The following C1orf159 variants were observed in gnomAD, a reference collection of about 807,000 sequenced individuals.
The protein encoded by C1orf159 is chromosome 1 open reading frame 159.
Under a neutral mutation model 25.6 loss-of-function variants are expected in C1orf159, and 19 were observed. The ratio of observed to expected loss-of-function variants is 0.74; its 90% CI spans 0.52 to 1.09. The LOEUF (loss-of-function observed/expected upper bound fraction) is 1.09. Ranked by LOEUF, C1orf159 falls within the 50% of genes least tolerant of loss-of-function variation. C1orf159 has a pLI of 0.00. For synonymous variants in C1orf159, 139 were observed against 124.7 expected (o/e 1.12, Z -0.77); for missense variants, 274 against 290.6 (o/e 0.94, Z 0.42).
At chr1:1,096,570 G>A (rs1436293254) in intron 1 of C1orf159, among the ~76,000 whole-genome samples, 1 of 152,240 alleles carries the variant, frequency 6.6e-6, no homozygotes, top group Admixed American at 6.5e-5. Context: ...ATTTGCAGGA[G>A]TTTTCTTGGT....
intron 1 of C1orf159, among the ~76,000 whole-genome samples, chr1:1,107,515 G>A (rs917427143): frequency 2.6e-5 from 4 of 152,212 alleles, no homozygotes; most frequent in African/African-American, 9.6e-5. Context: ...TTAATCTAGT[G>A]GGGACTTGGA....
At chr1:1,103,799 C>G (rs1391590233) in intron 1 of C1orf159, among the ~76,000 whole-genome samples, 3 of 152,186 alleles carry the variant, frequency 2.0e-5, no homozygotes, top group Non-Finnish European at 4.4e-5. Flanking sequence ...GGCAGCGATC[C>G]TCTCACCCCG....
chr1:1,083,579 G>A (rs531633958), intron 9 of C1orf159: 2 of 307,556 alleles, frequency 6.5e-6, no homozygotes, highest in South Asian at 9.2e-5. Context: ...CCGGAGCCTC[G>A]GGAAGCGTGT....
intron 7 of C1orf159, chr1:1,085,206 G>A: frequency 2.6e-6 from 1 of 384,156 alleles, no homozygotes; most frequent in East Asian, 8.5e-5. Context: ...CAGAGACCTG[G>A]GAGGAGGCCC....
rs1459828287 is a variant in C1orf159, at chr1:1,087,085, GGCCCCCA to G, written c.310+47_310+53del. 1.0e-5 allele frequency: 16 copies of G among 1,547,756 alleles called. No homozygotes were observed. Among genetic ancestry groups the G allele is most frequent in the African/African-American group, 8.1e-5 (6 of 73,722 alleles). On this transcript the variant is annotated intron_variant, in intron 6 of 9. Transcript: ENST00000421241. The surrounding 1 kb of genome is among the most constrained non-coding windows in gnomAD (Gnocchi z 8.3). Reference sequence around the variant, plus strand: ...GGTGAGGGTCTGCACTGGCTCCGACGGCCCCCAGCCCCCAGGACACCGGCAGAGGTGG... The same window carrying G: ...GGTGAGGGTCTGCACTGGCTCCGACGGCCCCCAGGACACCGGCAGAGGTGG...
intron 1 of C1orf159, among the ~76,000 whole-genome samples, chr1:1,107,557 TATC>T (rs1402919958): frequency 6.6e-6 from 1 of 152,102 alleles, no homozygotes; most frequent in African/African-American, 2.4e-5. Flanking sequence ...GGACTGTAAA[TATC>T]ATTCTGTGTC....
chr1:1,085,754 T>A (rs991595326), intron 7 of C1orf159, 124 bp downstream of exon 7: 2 of 1,273,612 alleles, frequency 1.6e-6, no homozygotes, highest in Non-Finnish European at 2.1e-6. Context: ...GGACAGGCCC[T>A]GCTCCCTCCC....
rs1216503493 is a variant in C1orf159 at position 1,108,386 on chromosome 1, C to CA, written c.-136+7673_-136+7674insT. ...ACTGTTCACCACAGCCACCATGTCT[C>CA]GGCACCGTTCACCACAGCCACCATG... On this transcript the variant is annotated intron_variant, in intron 1 of 9. Coordinates refer to ENST00000421241, the MANE Select transcript of C1orf159 (RefSeq NM_017891.5). Among the ~76,000 whole-genome samples the CA allele has an allele frequency of 3.2e-5, 4 of 126,778 alleles. 1 individual carries two copies. Among genetic ancestry groups the CA allele is most frequent in the African/African-American group, 1.1e-4 (3 of 26,542 alleles). 83.2% of individuals were successfully genotyped at this position (126,778 alleles called of 152,430 possible).
intron 1 of C1orf159, among the ~76,000 whole-genome samples, chr1:1,095,309 G>A (rs1326343681): frequency 2.0e-5 from 3 of 152,170 alleles, no homozygotes; most frequent in South Asian, 2.1e-4. Context: ...TTTTCATCAC[G>A]GACATGCTGT....
chr1:1,083,025 C>A, intron 9 of C1orf159, 38 bp from the exon 10 acceptor site: 1 of 1,525,030 alleles, frequency 6.6e-7, no homozygotes. Flanking sequence ...CAGAGTGGGA[C>A]CTGGACAGCA....
intron 1 of C1orf159, among the ~76,000 whole-genome samples, chr1:1,102,171 T>C (rs1646111257): frequency 6.6e-6 from 1 of 151,518 alleles, no homozygotes; most frequent in Non-Finnish European, 1.5e-5. Flanking sequence ...AAACTAAACA[T>C]TTATGTCTTT....
At chr1:1,084,619 C>G in intron 7 of C1orf159, 113 bp from the exon 8 acceptor site, 2 of 1,361,780 alleles carry the variant, frequency 1.5e-6, no homozygotes, top group Non-Finnish European at 2.0e-6. Context: ...CAGCCCAGTG[C>G]GGCGTCCTCG....
intron 1 of C1orf159, 45 bp from the exon 2 acceptor site, chr1:1,092,148 A>C: frequency 2.7e-6 from 1 of 364,216 alleles, no homozygotes; most frequent in Non-Finnish European, 5.6e-6. Flanking sequence ...CGCGAGGGCA[A>C]CCCAGGTGGG....
chr1:1,113,778 C>A (rs1033542656), intron 1 of C1orf159, among the ~76,000 whole-genome samples: 3 of 152,200 alleles, frequency 2.0e-5, no homozygotes, highest in African/African-American at 7.2e-5. Context: ...GGGTCTTCCA[C>A]GCTGGAGGCT....
intron 1 of C1orf159, among the ~76,000 whole-genome samples, chr1:1,100,358 T>C (rs954348865): frequency 2.6e-5 from 4 of 152,198 alleles, no homozygotes; most frequent in African/African-American, 9.7e-5. Context: ...ACGCTGCCCT[T>C]TATTTTTCAG....
intron 3 of C1orf159, 43 bp from the exon 4 acceptor site, chr1:1,090,471 G>A: frequency 1.3e-6 from 2 of 1,542,742 alleles, no homozygotes; most frequent in Non-Finnish European, 8.8e-7. Context: ...GCGCCTGCCA[G>A]GCAGGCTCAC....
rs1557434452 is a variant in C1orf159 at position 1,106,380 on chromosome 1, T to A, written c.-136+9680A>T. ...ACAGAAATAAATGTTGGCAAACGCA[T>A]GTGGAGAGAATGGAACCCTTGTGCA... On this transcript the variant is annotated intron_variant, in intron 1 of 9. Coordinates refer to ENST00000421241, the MANE Select transcript of C1orf159 (RefSeq NM_017891.5). Among the ~76,000 whole-genome samples the A allele has an allele frequency of 2.0e-5, 3 of 152,210 alleles. No individual in the cohort carries two copies. The South Asian group carries it at 6.2e-4, about 32-fold the overall frequency.
chr1:1,084,496 C>T lies in C1orf159; in HGVS notation c.456G>A (p.Leu152=). ...GGTTACTTACGGCTTCGCCAGGCTG[C>T]AGGGCCGGAGCTGTGGGGGAGAAAG... ...ACYRRNKAPA[L]QPGEAAAMIP... The change falls in exon 8 of 10, where the codon CTG becomes CTA. Residue 152 remains leucine, a synonymous_variant. Transcript: ENST00000421241. 1.9e-6 allele frequency: 3 copies of T among 1,555,604 alleles called. No individual in the cohort carries two copies. The highest frequency in any genetic ancestry group is 2.6e-6 in the Non-Finnish European group (3 of 1,149,952).
intron 1 of C1orf159, among the ~76,000 whole-genome samples, chr1:1,114,512 C>T (rs1204947938): frequency 1.3e-5 from 2 of 152,192 alleles, no homozygotes; most frequent in Admixed American, 6.5e-5. Flanking sequence ...TGGGAGGTAT[C>T]TCAGGGGTTC....
Sources: gnomAD v4.1 joint callset for allele counts (sites outside exome capture counted in the v4.1 genomes callset) on GRCh38, gnomAD v4.1.1 for gene constraint, Gnocchi (gnomAD v3.1) non-coding constraint, MANE v1.5 for transcripts, NCBI Gene and HGNC (gene_info 2026-07-23, HGNC 2026-07-21) for gene names.